The following HS6ST3 variants were observed in gnomAD, a reference collection of about 807,000 sequenced individuals.
The protein encoded by HS6ST3 is heparan sulfate 6-O-sulfotransferase 3.
HS6ST3 carries 12 observed loss-of-function variants against 36.7 expected under a neutral mutation model. The observed-to-expected ratio is 0.33, with a 90% CI of 0.21 to 0.53. The LOEUF (loss-of-function observed/expected upper bound fraction) is 0.53, where lower values mean the gene tolerates loss of function less well. Among genes scored for constraint, HS6ST3 ranks in the 20% least tolerant of loss-of-function variants. HS6ST3 has a pLI of 0.95. For missense variants in HS6ST3, 584 were observed against 640.9 expected, an observed-to-expected ratio of 0.91 and a Z score of 0.96; for synonymous variants, 240 against 257.5, an observed-to-expected ratio of 0.93 and a Z score of 0.65.
In HS6ST3 at chr13:96,363,474, C is replaced by T. The variant is rs988580439; in HGVS notation, c.707+271905C>T. Among the ~76,000 whole-genome samples the T allele has an allele frequency of 5.9e-5, 9 of 152,272 alleles. 1 individual carries two copies. The South Asian group carries it at 1.9e-3, about 32-fold the overall frequency. ...ATTGGAAGAGGAGAAAGGATTTTGG[C>T]AGGCAGCTAACTTTCTCTACCATAA... is the stretch of plus-strand genomic sequence containing the variant. On this transcript the variant is annotated intron_variant, in intron 1 of 1. Transcript: ENST00000376705.
intron 1 of HS6ST3, among the ~76,000 whole-genome samples, chr13:96,610,882 C>G (rs1457196613): frequency 6.6e-6 from 1 of 151,258 alleles, no homozygotes; most frequent in Non-Finnish European, 1.5e-5. Context: ...CAAAACAACC[C>G]CACAACTTCA....
At chr13:96,366,786 A>G (rs1343622979) in intron 1 of HS6ST3, among the ~76,000 whole-genome samples, 2 of 152,098 alleles carry the variant, frequency 1.3e-5, no homozygotes, top group Non-Finnish European at 2.9e-5. Context: ...TTGAATTGTA[A>G]TAATCTCCAT....
At chr13:96,133,898 TAATCCATTTTGAGTTG>T (rs1261772421) in intron 1 of HS6ST3, among the ~76,000 whole-genome samples, 1 of 151,792 alleles carries the variant, frequency 6.6e-6, no homozygotes, top group African/African-American at 2.4e-5. Flanking sequence ...TTTAAGTCTT[TAATCCATTTTGAGTTG>T]ATTAAATGGA....
At chr13:96,293,771 G>A (rs1490756643) in intron 1 of HS6ST3, among the ~76,000 whole-genome samples, 1 of 152,122 alleles carries the variant, frequency 6.6e-6, no homozygotes, top group Non-Finnish European at 1.5e-5. Context: ...AGTGGAAATT[G>A]TCCAGAAAGC....
chr13:96,404,097 G>A (rs531860611), intron 1 of HS6ST3, among the ~76,000 whole-genome samples: 31 of 152,260 alleles, frequency 2.0e-4, no homozygotes, highest in African/African-American at 7.2e-4. Flanking sequence ...TCATGTAAGA[G>A]GAGTTGCAAT....
intron 1 of HS6ST3, among the ~76,000 whole-genome samples, chr13:96,431,203 C>T (rs1452750492): frequency 6.8e-6 from 1 of 146,156 alleles, no homozygotes; most frequent in Non-Finnish European, 1.5e-5. Flanking sequence ...GACCTTGTCT[C>T]TAAAACAAAA....
chr13:96,720,511 G>C (rs1875817377), intron 1 of HS6ST3, among the ~76,000 whole-genome samples: 1 of 152,136 alleles, frequency 6.6e-6, no homozygotes. Context: ...AATGAAGAGA[G>C]AGTCTTTCAG....
At chr13:96,264,643 T>C (rs1566305785) in intron 1 of HS6ST3, among the ~76,000 whole-genome samples, 1 of 152,208 alleles carries the variant, frequency 6.6e-6, no homozygotes. Context: ...CATAAACGTA[T>C]GTAACTTCTA....
chr13:96,811,652 G>T (rs1294135170), intron 1 of HS6ST3, among the ~76,000 whole-genome samples: 1 of 152,040 alleles, frequency 6.6e-6, no homozygotes, highest in African/African-American at 2.4e-5. Context: ...ATGTAAATAG[G>T]AGACCTCATT....
At chr13:96,103,824 T>A (rs1290805640) in intron 1 of HS6ST3, among the ~76,000 whole-genome samples, 1 of 152,170 alleles carries the variant, frequency 6.6e-6, no homozygotes, top group African/African-American at 2.4e-5. Context: ...GTTAGAGTAA[T>A]GAGCAGTTCC....
intron 1 of HS6ST3, among the ~76,000 whole-genome samples, chr13:96,773,101 G>A (rs2138508661): frequency 6.6e-6 from 1 of 152,282 alleles, no homozygotes; most frequent in East Asian, 1.9e-4. Flanking sequence ...AAGCCCTGAG[G>A]GACTGTGCCA....
intron 1 of HS6ST3, among the ~76,000 whole-genome samples, chr13:96,157,712 T>C (rs1186201070): frequency 6.6e-6 from 1 of 152,256 alleles, no homozygotes; most frequent in Non-Finnish European, 1.5e-5. Flanking sequence ...AATAATGTCA[T>C]ATTAATCACC....
intron 1 of HS6ST3, among the ~76,000 whole-genome samples, chr13:96,484,693 G>C (rs1319869931): frequency 1.3e-5 from 2 of 152,090 alleles, no homozygotes; most frequent in Non-Finnish European, 2.9e-5. Context: ...TTTTCTTAAG[G>C]CTAAATAATA....
At chr13:96,828,315 A>G (rs1003794119) in intron 1 of HS6ST3, among the ~76,000 whole-genome samples, 4 of 152,224 alleles carry the variant, frequency 2.6e-5, no homozygotes, top group Non-Finnish European at 5.9e-5. Context: ...TAGAAAATGT[A>G]TAGTTTTAAA....
At position 96,430,289 on chromosome 13, in the gene HS6ST3, T is replaced by G. The variant is rs143991102; in HGVS notation, c.707+338720T>G. On this transcript the variant is annotated intron_variant, in intron 1 of 1. Transcript: ENST00000376705. Reference sequence around the variant, plus strand: ...TCGTAGGTTTCACCAGTTTGGGGAATACAAATGATGTCACATTTAGCAGTC... The same window carrying G: ...TCGTAGGTTTCACCAGTTTGGGGAAGACAAATGATGTCACATTTAGCAGTC... Among the ~76,000 whole-genome samples the G allele has an allele frequency of 1.7e-3, 259 of 152,324 alleles. 2 individuals carry two copies. The highest frequency in any genetic ancestry group is 3.1e-3 in the Non-Finnish European group (214 of 68,022).
intron 1 of HS6ST3, among the ~76,000 whole-genome samples, chr13:96,254,046 G>C (rs1008509772): frequency 1.3e-5 from 2 of 152,182 alleles, no homozygotes; most frequent in Admixed American, 1.3e-4. Flanking sequence ...CCAATATTTG[G>C]AGTACAGCCT....
intron 1 of HS6ST3, among the ~76,000 whole-genome samples, chr13:96,351,560 C>A (rs557020260): frequency 6.8e-4 from 103 of 152,106 alleles, no homozygotes; most frequent in Non-Finnish European, 1.4e-3. Flanking sequence ...GATCTGCCGA[C>A]CTTAACCTCC....
At chr13:96,644,765 G>A (rs57217922) in intron 1 of HS6ST3, among the ~76,000 whole-genome samples, 4 of 151,996 alleles carry the variant, frequency 2.6e-5, no homozygotes, top group Non-Finnish European at 4.4e-5. Flanking sequence ...ACTCAAGAAA[G>A]CAAAATTGCC....
chr13:96,177,778 AAAATAAAT>A (rs139436398), intron 1 of HS6ST3, among the ~76,000 whole-genome samples: 1 of 150,948 alleles, frequency 6.6e-6, no homozygotes, highest in Non-Finnish European at 1.5e-5. Context: ...ATAAAAGTTA[AAAATAAAT>A]AAATAAATAA....
Sources: gnomAD v4.1 joint callset for allele counts (sites outside exome capture counted in the v4.1 genomes callset) on GRCh38, gnomAD v4.1.1 for gene constraint, MANE v1.5 for transcripts, NCBI Gene and HGNC (gene_info 2026-07-23, HGNC 2026-07-21) for gene names.